Variants in ZNF398 observed in about 807,000 individuals in gnomAD.
ZNF398 encodes zinc finger protein 398.
Under a neutral mutation model 41.9 loss-of-function variants are expected in ZNF398, and 18 were observed. The observed-to-expected ratio is 0.43, with a 90% CI of 0.30 to 0.64. The LOEUF is 0.64. Among genes scored for constraint, ZNF398 ranks in the 30% least tolerant of loss-of-function variants. The pLI is 0.14. For missense variants in ZNF398, 669 were observed against 822.8 expected (o/e 0.81, Z 2.29); for synonymous variants, 260 against 308.8 (o/e 0.84, Z 1.66).
chr7:149,150,677 C>A (rs1474591430), intron 1 of ZNF398, among the ~76,000 whole-genome samples: 1 of 152,150 alleles, frequency 6.6e-6, no homozygotes, highest in African/African-American at 2.4e-5. Flanking sequence ...TTGACAAGAT[C>A]TCCAGGTGAT....
At position 149,178,813 on chromosome 7, in the gene ZNF398, C is replaced by G. The variant is rs754102837; in HGVS notation, c.941C>G (p.Thr314Ser). 6.2e-7 allele frequency: 1 copy of G among 1,614,226 alleles called. No homozygotes were observed. Among genetic ancestry groups the G allele is most frequent in the South Asian group, 1.1e-5 (1 of 91,090 alleles). ...TSMTPFGRPA[T>S]DLPEASEGQV... ...ATGACACCTTTTGGACGTCCAGCCA[C>G]TGACCTGCCTGAAGCCTCTGAGGGA... Residue 314 changes from threonine (T) to serine (S), a missense_variant, in exon 6 of 6, where the codon ACT (threonine) becomes AGT (serine). Thr to Ser is a moderately conservative substitution (Grantham distance 58). Coordinates refer to ENST00000475153, the MANE Select transcript of ZNF398 (RefSeq NM_170686.3).
chr7:149,139,099 G>A (rs962581764), intron 2 of ZNF398, among the ~76,000 whole-genome samples: 6 of 152,026 alleles, frequency 3.9e-5, no homozygotes, highest in African/African-American at 7.2e-5. Flanking sequence ...TAGTAGAGAC[G>A]GGGCTTCACC....
intron 3 of ZNF398, 38 bp downstream of exon 3, chr7:149,166,322 CAGCTCCA>C (rs58568097): frequency 0.64 from 1,028,093 of 1,605,278 alleles, 341,159 homozygotes; most frequent in East Asian, 0.91. Flanking sequence ...GAAGTGACAG[CAGCTCCA>C]AGAGGGCTCA....
intron 5 of ZNF398, among the ~76,000 whole-genome samples, chr7:149,177,387 C>G (rs559898215): frequency 1.3e-5 from 2 of 151,576 alleles, no homozygotes; most frequent in Non-Finnish European, 2.9e-5. Flanking sequence ...ATCACTCGAG[C>G]CCAGGAGTTC....
At chr7:149,148,257 C>T in intron 1 of ZNF398, 1 of 174,862 alleles carries the variant, frequency 5.7e-6, no homozygotes, top group South Asian at 1.9e-4. Flanking sequence ...CGCGGGAGGC[C>T]CTCCCGAAAT....
intron 1 of ZNF398, among the ~76,000 whole-genome samples, chr7:149,150,629 AGT>A (rs1359880766): frequency 6.6e-6 from 1 of 152,114 alleles, no homozygotes; most frequent in Non-Finnish European, 1.5e-5. Flanking sequence ...ACAGAATCTC[AGT>A]TTTCCTTACA....
intron 1 of ZNF398, among the ~76,000 whole-genome samples, chr7:149,150,797 C>T (rs1196049429): frequency 6.6e-6 from 1 of 152,080 alleles, no homozygotes; most frequent in African/African-American, 2.4e-5. Context: ...GCAACTTCCG[C>T]CTCCTGGGTT....
At chr7:149,132,352 G>A (rs1035585875) in intron 2 of ZNF398, among the ~76,000 whole-genome samples, 31 of 151,918 alleles carry the variant, frequency 2.0e-4, no homozygotes, top group African/African-American at 6.5e-4. Flanking sequence ...GTGCCACCAC[G>A]CCCTGCTAAT....
intron 2 of ZNF398, among the ~76,000 whole-genome samples, chr7:149,141,447 C>CTTT (rs35331670): frequency 0.036 from 4,231 of 116,336 alleles, 551 homozygotes; most frequent in South Asian, 0.062. Context: ...AGCTACTTTT[C>CTTT]TTTTTTTTCT....
At chr7:149,178,617 A>G (rs750659497) in intron 5 of ZNF398, 31 bp from the exon 6 acceptor site, 10 of 1,567,104 alleles carry the variant, frequency 6.4e-6, no homozygotes, top group East Asian at 4.5e-5. Flanking sequence ...ACAGTTATTG[A>G]TGGGTATAAC....
intron 4 of ZNF398, among the ~76,000 whole-genome samples, chr7:149,175,761 T>C (rs1795447997): frequency 6.6e-6 from 1 of 152,170 alleles, no homozygotes; most frequent in Admixed American, 6.5e-5. Flanking sequence ...CTCGGCTCAC[T>C]GCAGCCGCTG....
intron 2 of ZNF398, among the ~76,000 whole-genome samples, chr7:149,142,438 C>T (rs1237479351): frequency 2.6e-5 from 4 of 152,018 alleles, no homozygotes; most frequent in Non-Finnish European, 4.4e-5. Context: ...GAGGCCGAGG[C>T]GGGCGGATCA....
intron 2 of ZNF398, among the ~76,000 whole-genome samples, chr7:149,162,178 C>T (rs1414735414): frequency 4.0e-5 from 6 of 151,766 alleles, no homozygotes; most frequent in Non-Finnish European, 5.9e-5. Flanking sequence ...TGCATTACCA[C>T]AGCTGGTTAA....
chr7:149,148,416 C>T, intron 1 of ZNF398: 1 of 985,484 alleles, frequency 1.0e-6, no homozygotes, highest in Non-Finnish European at 1.2e-6. Flanking sequence ...TGCACGCAGC[C>T]CCGTAGAATG....
At chr7:149,172,296 T>G (rs537150608) in intron 4 of ZNF398, among the ~76,000 whole-genome samples, 1 of 152,286 alleles carries the variant, frequency 6.6e-6, no homozygotes, top group Admixed American at 6.5e-5. Context: ...AGTAGTATGA[T>G]GAAATCTTGC....
chr7:149,163,992 A>G (rs1158586413), intron 2 of ZNF398, among the ~76,000 whole-genome samples: 3 of 152,052 alleles, frequency 2.0e-5, no homozygotes, highest in Admixed American at 6.6e-5. Context: ...TGCACCTGTA[A>G]TCCCAGCTAC....
chr7:149,128,476 G>C (rs1032498535), intron 1 of ZNF398, among the ~76,000 whole-genome samples: 1 of 152,106 alleles, frequency 6.6e-6, no homozygotes, highest in African/African-American at 2.4e-5. Context: ...GCCGGGCGCA[G>C]TAGCTCACGT....
At chr7:149,174,069 C>T (rs774157413) in intron 4 of ZNF398, among the ~76,000 whole-genome samples, 12 of 151,802 alleles carry the variant, frequency 7.9e-5, no homozygotes, top group Non-Finnish European at 1.6e-4. Flanking sequence ...GCTAGGATTA[C>T]AGGCGTGACC....
At position 149,180,417 on chromosome 7, in the gene ZNF398, A is replaced by G. The variant is rs984017360; in HGVS notation, c.*616A>G. On this transcript the variant is annotated 3_prime_UTR_variant, in exon 6 of 6. Coordinates refer to ENST00000475153, the MANE Select transcript of ZNF398 (RefSeq NM_170686.3). Reference sequence around the variant, plus strand: ...GGTTTCTTAGATTAATTATTCACATAAATTTTGTTTAATATTGGTTGAACA... The same window carrying G: ...GGTTTCTTAGATTAATTATTCACATGAATTTTGTTTAATATTGGTTGAACA... 1.2e-4 allele frequency: 18 copies of G among 152,326 alleles called. No homozygotes were observed. Among genetic ancestry groups the G allele is most frequent in the African/African-American group, 3.8e-4 (16 of 41,572 alleles). 9.4% of individuals were successfully genotyped at this position (152,326 alleles called of 1,614,324 possible).
Sources: allele counts gnomAD v4.1 joint callset (sites outside exome capture counted in the v4.1 genomes callset), GRCh38; gene constraint gnomAD v4.1.1; transcripts MANE v1.5; gene names NCBI Gene and HGNC (gene_info 2026-07-23, HGNC 2026-07-21).